The following TASP1 variants were observed in gnomAD, a reference collection of about 807,000 sequenced individuals.
TASP1 encodes the protein threonine aspartase 1.
TASP1 carries 16 observed loss-of-function variants against 56.6 expected under a neutral mutation model. The observed-to-expected ratio is 0.28, with a 90% CI of 0.19 to 0.43. The LOEUF is 0.43. Among genes scored for constraint, TASP1 ranks in the 20% least tolerant of loss-of-function variants. The pLI, the probability that TASP1 is intolerant of heterozygous loss-of-function variation, is 1.00. For missense variants in TASP1, 393 were observed against 511.6 expected (o/e 0.77, Z 2.24); for synonymous variants, 179 against 184.2 (o/e 0.97, Z 0.23).
chr20:13,181,383 C>G, the TASP1 span, among the ~76,000 whole-genome samples: 1 of 151,858 alleles, frequency 6.6e-6, no homozygotes, highest in African/African-American at 2.4e-5. Context: ...TCTCCTCCCA[C>G]GTAAACTCCT....
chr20:13,528,833 A>G (rs75362861), intron 9 of TASP1, among the ~76,000 whole-genome samples: 2,567 of 152,186 alleles, frequency 0.017, 76 homozygotes, highest in African/African-American at 0.056. Flanking sequence ...CTGGCCCCTT[A>G]AAACCAATGT....
intron 10 of TASP1, among the ~76,000 whole-genome samples, chr20:13,521,502 T>C (rs2044752957): frequency 1.3e-5 from 2 of 151,996 alleles, no homozygotes; most frequent in African/African-American, 4.8e-5. Flanking sequence ...GAAACCATCA[T>C]TCCATCATTC....
rs1242754704 is a variant in TASP1, at chr20:13,390,346, C to T, written c.*14G>A. The T allele has an allele frequency of 1.2e-6, 2 of 1,613,108 alleles. No individual in the cohort carries two copies. The highest frequency in any genetic ancestry group is 1.7e-6 in the Non-Finnish European group (2 of 1,179,406). ...TGAAATGCCTCTGAGACGCTTCACA[C>T]TCAGCCTGAAGGGTCAGTTCACTGG... is the stretch of plus-strand genomic sequence containing the variant. On this transcript the variant is annotated 3_prime_UTR_variant, in exon 14 of 14. Transcript: ENST00000337743.
rs550401037 is a variant in TASP1 at position 13,463,626 on chromosome 20, C to A, written c.985+19601G>T. Among the ~76,000 whole-genome samples, 7 of 152,026 alleles carry A rather than the reference C, an allele frequency of 4.6e-5. No homozygotes were observed. The South Asian group carries it at 1.5e-3, about 32-fold the overall frequency. On this transcript the variant is annotated intron_variant, in intron 11 of 13. Transcript: ENST00000337743. ...ACATATCTAATAAGAGGTTAATATC[C>A]AGAATATACAAAGAACTTTTACAAC... is the stretch of plus-strand genomic sequence containing the variant.
chr20:13,453,718 T>C (rs370224328), intron 11 of TASP1, among the ~76,000 whole-genome samples: 65 of 152,196 alleles, frequency 4.3e-4, no homozygotes, highest in African/African-American at 1.5e-3. Flanking sequence ...GATGATGGGA[T>C]TACATCAGTA....
chr20:13,485,766 A>T (rs895126117), intron 10 of TASP1, among the ~76,000 whole-genome samples: 3 of 152,206 alleles, frequency 2.0e-5, no homozygotes, highest in African/African-American at 7.2e-5. Flanking sequence ...GAAACGCCAT[A>T]AAGTTTAATT....
rs201255193 is a variant in TASP1 at position 13,450,589 on chromosome 20, C to CTT, written c.986-15436_986-15435insAA. Among the ~76,000 whole-genome samples the CTT allele has an allele frequency of 4.5e-3, 689 of 152,166 alleles. 3 individuals are homozygous for CTT. The highest frequency in any genetic ancestry group is 0.011 in the East Asian group (59 of 5,152). On this transcript the variant is annotated intron_variant, in intron 11 of 13. Transcript: ENST00000337743. Reference sequence around the variant, plus strand: ...TTTCTTTGCTCATCCACAGAAGCAACTCCTCATCCGTTAAAGTTTTATCAT... The same window carrying CTT: ...TTTCTTTGCTCATCCACAGAAGCAACTTTCCTCATCCGTTAAAGTTTTATCAT...
rs144002402 is a variant in TASP1, at chr20:13,565,173, A to T, written c.568+4334T>A. On this transcript the variant is annotated intron_variant, in intron 7 of 13. Coordinates refer to ENST00000337743, the MANE Select transcript of TASP1 (RefSeq NM_017714.3). ...AACAGTCTTCAACAAACTGTGTTTG[A>T]AAGATTAGACAACCACATGCAAAGG... is the stretch of plus-strand genomic sequence containing the variant. 4.8e-3 allele frequency among the ~76,000 whole-genome samples: 735 copies of T among 152,330 alleles called. 4 individuals carry two copies. Among genetic ancestry groups the T allele is most frequent in the African/African-American group, 0.016 (656 of 41,582 alleles).
At chr20:13,425,724 A>G (rs778375232) in intron 12 of TASP1, among the ~76,000 whole-genome samples, 1 of 152,180 alleles carries the variant, frequency 6.6e-6, no homozygotes, top group Non-Finnish European at 1.5e-5. Flanking sequence ...AATGGGAAGA[A>G]TGAGGCACTG....
the TASP1 span, among the ~76,000 whole-genome samples, chr20:13,230,177 T>G: frequency 1.3e-5 from 2 of 152,228 alleles, no homozygotes; most frequent in Non-Finnish European, 2.9e-5. Context: ...ATAATCTCAA[T>G]AACATTTTCC....
At chr20:13,118,739 A>T in the TASP1 span, among the ~76,000 whole-genome samples, 1 of 152,172 alleles carries the variant, frequency 6.6e-6, no homozygotes, top group Admixed American at 6.5e-5. Flanking sequence ...TTTCTTACCT[A>T]TTGTGATGAA....
At chr20:13,404,957 C>G (rs764654641) in intron 13 of TASP1, among the ~76,000 whole-genome samples, 31 of 151,988 alleles carry the variant, frequency 2.0e-4, no homozygotes, top group Non-Finnish European at 4.0e-4. Flanking sequence ...CCTGTTTTAC[C>G]TTGGTTATAT....
At chr20:13,591,295 C>T (rs1253593640) in intron 4 of TASP1, among the ~76,000 whole-genome samples, 1 of 151,998 alleles carries the variant, frequency 6.6e-6, no homozygotes, top group Non-Finnish European at 1.5e-5. Context: ...CAACAGAGTA[C>T]ATCATAATCA....
At chr20:13,226,374 A>G in the TASP1 span, among the ~76,000 whole-genome samples, 2 of 152,056 alleles carry the variant, frequency 1.3e-5, no homozygotes, top group African/African-American at 4.8e-5. Context: ...TTTGTGACTT[A>G]CCTGCTCGTT....
At chr20:13,510,068 CT>C (rs928831107) in intron 10 of TASP1, among the ~76,000 whole-genome samples, 1 of 152,016 alleles carries the variant, frequency 6.6e-6, no homozygotes, top group Non-Finnish European at 1.5e-5. Context: ...ACGTGTACCC[CT>C]GAACCTAAAA....
At chr20:13,316,757 T>G in the TASP1 span, among the ~76,000 whole-genome samples, 1 of 151,686 alleles carries the variant, frequency 6.6e-6, no homozygotes, top group African/African-American at 2.4e-5. Flanking sequence ...AAAAAAAACT[T>G]TCAATGAACT....
the TASP1 span, among the ~76,000 whole-genome samples, chr20:13,220,231 C>T: frequency 6.6e-6 from 1 of 152,176 alleles, no homozygotes; most frequent in Non-Finnish European, 1.5e-5. Context: ...GTCCGCTACT[C>T]CGAGTCACTT....
At chr20:13,411,803 T>C (rs904790526) in intron 13 of TASP1, among the ~76,000 whole-genome samples, 8 of 152,246 alleles carry the variant, frequency 5.3e-5, no homozygotes, top group Non-Finnish European at 1.0e-4. Flanking sequence ...CGTTTTGCTC[T>C]TTGTAACCTC....
the TASP1 span, chr20:13,117,521 C>T: frequency 1.9e-6 from 3 of 1,596,110 alleles, no homozygotes; most frequent in Non-Finnish European, 1.7e-6. Flanking sequence ...AAGGTTCCAT[C>T]GTGCATCTGC....
Sources: gnomAD v4.1 joint callset for allele counts (sites outside exome capture counted in the v4.1 genomes callset) on GRCh38, gnomAD v4.1.1 for gene constraint, MANE v1.5 for transcripts, NCBI Gene and HGNC (gene_info 2026-07-23, HGNC 2026-07-21) for gene names.